RTL4: variants seen among roughly 807,000 people sequenced by gnomAD.
RTL4 encodes the protein retrotransposon Gag-like protein 4.
RTL4 carries 4 observed loss-of-function variants against 5.3 expected under a neutral mutation model. That is an observed-to-expected ratio of 0.75 (90% CI 0.37 to 1.72). The LOEUF (loss-of-function observed/expected upper bound fraction) is 1.72. Among genes scored for constraint, RTL4 ranks in the 40% most tolerant of loss-of-function variants. RTL4 has a pLI of 0.04. For missense variants in RTL4, 260 were observed against 227.1 expected (o/e 1.14, Z -0.93); for synonymous variants, 98 against 87.3 (o/e 1.12, Z -0.68).
chrX:112,212,921 T>C, the RTL4 span, among the ~76,000 whole-genome samples: 8 of 112,612 alleles, frequency 7.1e-5, no homozygotes, highest in South Asian at 3.6e-4. Context: ...AAGTGGGTTG[T>C]AGAGGCTGAC....
the RTL4 span, among the ~76,000 whole-genome samples, chrX:112,362,401 A>G: frequency 8.9e-6 from 1 of 111,857 alleles, no homozygotes; most frequent in Admixed American, 9.5e-5. Flanking sequence ...ACATGTTAGA[A>G]AATGGGCAGA....
the RTL4 span, chrX:112,381,941 G>T: frequency 8.3e-7 from 1 of 1,209,445 alleles, no homozygotes; most frequent in Non-Finnish European, 1.1e-6. Context: ...GAAGTTGGCA[G>T]CAAAGCGGTT....
the RTL4 span, among the ~76,000 whole-genome samples, chrX:112,261,901 C>T: frequency 9.0e-6 from 1 of 111,397 alleles, no homozygotes; most frequent in African/African-American, 3.3e-5. Flanking sequence ...CATCTACAAC[C>T]ATCTGATCTT....
At chrX:112,217,838 A>C in the RTL4 span, among the ~76,000 whole-genome samples, 1 of 111,803 alleles carries the variant, frequency 8.9e-6, no homozygotes, top group Non-Finnish European at 1.9e-5. Flanking sequence ...AAATTTCATT[A>C]AGACTTAATT....
chrX:112,087,897 C>A, the RTL4 span, among the ~76,000 whole-genome samples: 1 of 111,471 alleles, frequency 9.0e-6, no homozygotes, highest in Non-Finnish European at 1.9e-5. Context: ...ATTGAAGTGA[C>A]TCATAACATA....
At chrX:112,345,763 A>G in the RTL4 span, among the ~76,000 whole-genome samples, 9 of 111,245 alleles carry the variant, frequency 8.1e-5, no homozygotes, top group Admixed American at 1.9e-4. Flanking sequence ...AGGGTCCCCA[A>G]TGGGCCTCTT....
At chrX:112,217,369 A>G in the RTL4 span, among the ~76,000 whole-genome samples, 2 of 111,986 alleles carry the variant, frequency 1.8e-5, no homozygotes, top group Non-Finnish European at 3.8e-5. Context: ...TGCCTCTTCC[A>G]TTGCAAGTGG....
the RTL4 span, among the ~76,000 whole-genome samples, chrX:112,252,250 A>G: frequency 8.9e-6 from 1 of 112,508 alleles, no homozygotes; most frequent in East Asian, 2.8e-4. Flanking sequence ...TTGAAAAAAG[A>G]AAAAGCTTTC....
the RTL4 span, among the ~76,000 whole-genome samples, chrX:112,199,881 T>C: frequency 8.9e-6 from 1 of 112,532 alleles, no homozygotes. Flanking sequence ...CCTTTCTTAA[T>C]TGTAAAAAGA....
At chrX:112,432,814 T>G in the RTL4 span, among the ~76,000 whole-genome samples, 1 of 110,863 alleles carries the variant, frequency 9.0e-6, no homozygotes, top group Non-Finnish European at 1.9e-5. Flanking sequence ...CCCATGCCTA[T>G]GGCCTGAATG....
the RTL4 span, among the ~76,000 whole-genome samples, chrX:112,333,212 G>A: frequency 9.0e-6 from 1 of 110,870 alleles, no homozygotes; most frequent in African/African-American, 3.3e-5. Context: ...AAGAACAGTG[G>A]TTACCAGGGT....
the RTL4 span, chrX:112,382,047 C>T: frequency 2.5e-6 from 3 of 1,209,264 alleles, no homozygotes; most frequent in Non-Finnish European, 3.4e-6. Flanking sequence ...CTAACGGCTA[C>T]TCAAAGCCAC....
At chrX:112,136,560 C>T in the RTL4 span, among the ~76,000 whole-genome samples, 4 of 111,963 alleles carry the variant, frequency 3.6e-5, no homozygotes, top group Non-Finnish European at 7.5e-5. Context: ...AATGGAAAAA[C>T]ATCCCATATT....
chrX:112,229,056 C>T, the RTL4 span, among the ~76,000 whole-genome samples: 2 of 111,970 alleles, frequency 1.8e-5, no homozygotes, highest in Non-Finnish European at 3.8e-5. Flanking sequence ...AAATAACTGC[C>T]TCCTTAAGGA....
chrX:112,337,119 A>G, the RTL4 span, among the ~76,000 whole-genome samples: 1 of 111,706 alleles, frequency 9.0e-6, no homozygotes. Context: ...GCCTGTTAGA[A>G]AATGTCTCTC....
At chrX:112,230,241 C>A in the RTL4 span, among the ~76,000 whole-genome samples, 3 of 112,571 alleles carry the variant, frequency 2.7e-5, no homozygotes, top group Non-Finnish European at 5.6e-5. Flanking sequence ...GGCGCCCCTT[C>A]CGCAGCCTCA....
chrX:112,127,325 A>G, the RTL4 span, among the ~76,000 whole-genome samples: 1 of 111,505 alleles, frequency 9.0e-6, no homozygotes, highest in African/African-American at 3.3e-5. Context: ...TAAAAATCAC[A>G]TGATCATCTG....
the RTL4 span, among the ~76,000 whole-genome samples, chrX:112,446,906 C>G: frequency 8.9e-6 from 1 of 111,853 alleles, no homozygotes; most frequent in East Asian, 2.8e-4. Flanking sequence ...GTAAAACCAC[C>G]TCTGCTAAAA....
At chrX:112,181,578 C>T in the RTL4 span, among the ~76,000 whole-genome samples, 1 of 111,703 alleles carries the variant, frequency 9.0e-6, no homozygotes, top group South Asian at 3.8e-4. Context: ...GCTCAAACTG[C>T]GGGGAGCCCA....
Sources: allele counts gnomAD v4.1 joint callset (sites outside exome capture counted in the v4.1 genomes callset), GRCh38; gene constraint gnomAD v4.1.1; transcripts MANE v1.5; gene names NCBI Gene and HGNC (gene_info 2026-07-23, HGNC 2026-07-21).